ESF1: variants seen among roughly 807,000 people sequenced by gnomAD.
ESF1 encodes ESF1 homolog.
In ESF1, 58 loss-of-function variants were observed where a neutral mutation model predicts 92.0. The ratio of observed to expected loss-of-function variants is 0.63; its 90% CI spans 0.51 to 0.78. The LOEUF is 0.78. Ranked by LOEUF, ESF1 falls within the 30% of genes least tolerant of loss-of-function variation. The pLI, the probability that ESF1 is intolerant of heterozygous loss-of-function variation, is 0.00. For synonymous variants in ESF1, 321 were observed against 313.7 expected, an observed-to-expected ratio of 1.02 and a Z score of -0.24; for missense variants, 922 against 989.1, an observed-to-expected ratio of 0.93 and a Z score of 0.91.
At chr20:13,721,117 T>A (rs118159469) in intron 11 of ESF1, among the ~76,000 whole-genome samples, 1,910 of 152,208 alleles carry the variant, frequency 0.013, 12 homozygotes, top group Non-Finnish European at 0.018. Context: ...AGCGAGACTC[T>A]GTCTCGATAA....
At chr20:13,773,838 G>A (rs987628289) in intron 4 of ESF1, among the ~76,000 whole-genome samples, 2 of 152,170 alleles carry the variant, frequency 1.3e-5, no homozygotes, top group Non-Finnish European at 2.9e-5. Flanking sequence ...GCTCACACCT[G>A]TAATCCCAGC....
intron 13 of ESF1, 79 bp downstream of exon 13, chr20:13,717,289 T>C (rs963159917): frequency 6.5e-7 from 1 of 1,538,566 alleles, no homozygotes; most frequent in African/African-American, 1.4e-5. Flanking sequence ...TAACTTTGAC[T>C]ATGCTCAATT....
chr20:13,780,875 A>T (rs1457715591), intron 2 of ESF1, among the ~76,000 whole-genome samples: 1 of 152,228 alleles, frequency 6.6e-6, no homozygotes, highest in Non-Finnish European at 1.5e-5. Context: ...CTAGTTCCAA[A>T]CAATCATTTC....
In ESF1 at chr20:13,728,555, C is replaced by A; in HGVS notation, c.1951-90G>T. 7 of 1,032,054 alleles carry A rather than the reference C, an allele frequency of 6.8e-6. No homozygotes were observed. In the South Asian group the frequency reaches 1.2e-4, roughly 17 times the overall value. The allele number at this position is 1,032,054 out of a possible 1,614,324, so 63.9% of individuals were successfully genotyped here. On this transcript the variant is annotated intron_variant, in intron 10 of 13. Coordinates refer to ENST00000617257, the MANE Select transcript of ESF1 (RefSeq NM_001276380.2). ...AGAAAAACTATGCATTTCTTTTAAACCAAGTAGTTCAATCTAAAAGTAAAT... is the reference window on the plus strand; with the variant it reads ...AGAAAAACTATGCATTTCTTTTAAAACAAGTAGTTCAATCTAAAAGTAAAT...
rs1360547723 is a variant in ESF1, at chr20:13,717,411, T to A, written c.2219A>T (p.Lys740Met). 13 of 1,614,166 alleles carry A rather than the reference T, an allele frequency of 8.1e-6. No individual in the cohort carries two copies. The highest frequency in any genetic ancestry group is 1.3e-5 in the African/African-American group (1 of 75,078). The change falls in exon 13 of 14, where the codon AAG becomes ATG. Residue 740 changes from lysine (K) to methionine (M), a missense_variant. By Grantham distance (95) the Lys-to-Met change is moderately conservative. Coordinates refer to ENST00000617257, the MANE Select transcript of ESF1 (RefSeq NM_001276380.2). ...TAATTCCTTCTTTTTCATGAGCTGC[T>A]TTTTCTTCTTTTTGCTCAGATTCTG... ...EHQNLSKKKK[K>M]QLMKKKELIE...
intron 9 of ESF1, among the ~76,000 whole-genome samples, chr20:13,758,834 A>C (rs1979020799): frequency 6.6e-6 from 1 of 152,228 alleles, no homozygotes; most frequent in Non-Finnish European, 1.5e-5. Context: ...GTTGAAAAAA[A>C]TGTGTACAGT....
In ESF1 at chr20:13,775,723, A is replaced by AT. The variant is rs146119767; in HGVS notation, c.1035+149dup. On this transcript the variant is annotated intron_variant, in intron 3 of 13. Coordinates refer to ENST00000617257, the MANE Select transcript of ESF1 (RefSeq NM_001276380.2). ...TCTGCTTGGACGTCTTCTAGTTCAT[A>AT]TAATTATATTCCATATCAAATTTTA... 1,874 of 888,702 alleles carry AT rather than the reference A, an allele frequency of 2.1e-3. 7 individuals carry two copies. Among genetic ancestry groups the AT allele is most frequent in the Middle Eastern group, 5.0e-3 (14 of 2,822 alleles). The allele number at this position is 888,702 out of a possible 1,614,324, so 55.1% of individuals were successfully genotyped here.
intron 1 of ESF1, among the ~76,000 whole-genome samples, chr20:13,783,676 A>G (rs763161898): frequency 5.3e-5 from 8 of 152,164 alleles, no homozygotes; most frequent in Non-Finnish European, 1.2e-4. Context: ...TGAGCCCGGC[A>G]TGGTGGCGCG....
intron 2 of ESF1, among the ~76,000 whole-genome samples, chr20:13,781,053 T>C (rs757120370): frequency 1.3e-5 from 2 of 152,218 alleles, no homozygotes; most frequent in Non-Finnish European, 2.9e-5. Flanking sequence ...GTGCGTCCCC[T>C]ATGAATTTTT....
At chr20:13,724,878 C>T (rs1188791457) in intron 11 of ESF1, among the ~76,000 whole-genome samples, 2 of 152,132 alleles carry the variant, frequency 1.3e-5, no homozygotes, top group African/African-American at 4.8e-5. Context: ...TTTGAAAAGC[C>T]ATGTCCAGCA....
At chr20:13,770,371 TTTG>T (rs1167934456) in intron 6 of ESF1, among the ~76,000 whole-genome samples, 12 of 152,206 alleles carry the variant, frequency 7.9e-5, no homozygotes, top group African/African-American at 9.7e-5. Flanking sequence ...ACTACATGAT[TTTG>T]TTGTTGTTTT....
chr20:13,769,267 C>A (rs896494098), intron 7 of ESF1, among the ~76,000 whole-genome samples: 1 of 152,002 alleles, frequency 6.6e-6, no homozygotes, highest in African/African-American at 2.4e-5. Flanking sequence ...CCCCTTATTC[C>A]TTAGGATATT....
In ESF1 at chr20:13,757,409, T is replaced by A. The variant is rs150837626; in HGVS notation, c.1828+2283A>T. Among the ~76,000 whole-genome samples, 445 of 152,218 alleles carry A rather than the reference T, an allele frequency of 2.9e-3. 3 individuals carry two copies. Among genetic ancestry groups the A allele is most frequent in the African/African-American group, 0.01 (426 of 41,498 alleles). ...TACATTACTATGTTTTGTTTGTTTG[T>A]TTGTTTGAGACAGGGTCTCATTCTG... On this transcript the variant is annotated intron_variant, in intron 9 of 13. Transcript: ENST00000617257.
chr20:13,732,234 G>C (rs1259557330), intron 10 of ESF1, among the ~76,000 whole-genome samples: 1 of 152,170 alleles, frequency 6.6e-6, no homozygotes. Flanking sequence ...AGGTCACCCA[G>C]CCGGTGTCCA....
At position 13,717,481 on chromosome 20, in the gene ESF1, C is replaced by T. The variant is rs1156518434; in HGVS notation, c.2149G>A (p.Glu717Lys). ...EMALLMMDEDEDSKKHFNYNK... is the reference protein window; with the variant it reads ...EMALLMMDEDKDSKKHFNYNK... ...TAATTGAAGTGTTTCTTACTGTCCT[C>T]GTCCTCATCCATCATAAGCAAAGCC... The change falls in exon 13 of 14, where the codon GAG (glutamate) becomes AAG (lysine). Residue 717 changes from glutamate (E) to lysine (K), a missense_variant. Transcript: ENST00000617257. 1.9e-6 allele frequency: 3 copies of T among 1,613,684 alleles called. No individual in the cohort carries two copies. Among genetic ancestry groups the T allele is most frequent in the East Asian group, 4.5e-5 (2 of 44,776 alleles).
intron 11 of ESF1, among the ~76,000 whole-genome samples, chr20:13,727,894 A>G (rs2049912639): frequency 6.6e-6 from 1 of 152,244 alleles, no homozygotes; most frequent in Admixed American, 6.5e-5. Flanking sequence ...AAGCTTTTAT[A>G]TGAAATTTCA....
chr20:13,757,927 A>G (rs1244576718), intron 9 of ESF1, among the ~76,000 whole-genome samples: 1 of 151,966 alleles, frequency 6.6e-6, no homozygotes, highest in African/African-American at 2.4e-5. Context: ...TAAGATTAGA[A>G]TTAAACTACA....
intron 7 of ESF1, among the ~76,000 whole-genome samples, chr20:13,768,412 G>A (rs753702227): frequency 2.4e-4 from 37 of 152,096 alleles, no homozygotes; most frequent in Admixed American, 5.2e-4. Context: ...GTGAAACCCC[G>A]TCTGTACTAA....
chr20:13,746,726 T>C (rs1465504050), intron 9 of ESF1, among the ~76,000 whole-genome samples: 1 of 152,198 alleles, frequency 6.6e-6, no homozygotes. Context: ...TCTAAGTCAA[T>C]TTCAAACACT....
Sources: allele counts gnomAD v4.1 joint callset (sites outside exome capture counted in the v4.1 genomes callset), GRCh38; gene constraint gnomAD v4.1.1; transcripts MANE v1.5; gene names NCBI Gene and HGNC (gene_info 2026-07-23, HGNC 2026-07-21).